Variants in KIF6 observed in about 807,000 individuals in gnomAD.
The protein encoded by KIF6 is kinesin family member 6, also known as kinesin-like protein KIF6.
A neutral mutation model predicts 112.7 loss-of-function variants in KIF6; 106 were observed. The ratio of observed to expected loss-of-function variants is 0.94; its 90% CI spans 0.80 to 1.11. The LOEUF (loss-of-function observed/expected upper bound fraction) is 1.11, where lower values mean the gene tolerates loss of function less well. KIF6 is among the 50% of genes least tolerant of loss of function. KIF6 has a pLI of 0.00. For missense variants in KIF6, 929 were observed against 964.0 expected, an observed-to-expected ratio of 0.96 and a Z score of 0.48; for synonymous variants, 339 against 339.9, an observed-to-expected ratio of 1.00 and a Z score of 0.03.
At chr6:39,437,279 G>A (rs924251893) in intron 13 of KIF6, among the ~76,000 whole-genome samples, 2 of 152,044 alleles carry the variant, frequency 1.3e-5, no homozygotes, top group African/African-American at 4.8e-5. Flanking sequence ...GAAGTCTTTA[G>A]GATTTTCTAG....
At chr6:39,696,658 A>G (rs1788558949) in intron 3 of KIF6, among the ~76,000 whole-genome samples, 2 of 151,526 alleles carry the variant, frequency 1.3e-5, no homozygotes, top group East Asian at 1.9e-4. Flanking sequence ...ATATATAAAT[A>G]TATATATTAT....
intron 13 of KIF6, among the ~76,000 whole-genome samples, chr6:39,439,490 C>T (rs371263785): frequency 3.9e-5 from 6 of 152,292 alleles, no homozygotes; most frequent in Admixed American, 1.3e-4. Context: ...CTCCAAAAGA[C>T]GACATTGCAA....
At chr6:39,497,779 T>G (rs1413424178) in intron 13 of KIF6, among the ~76,000 whole-genome samples, 3 of 152,208 alleles carry the variant, frequency 2.0e-5, no homozygotes, top group African/African-American at 7.2e-5. Flanking sequence ...TTCTGACAGA[T>G]TCCATCTCCT....
At chr6:39,353,975 A>C (rs1474306397) in intron 19 of KIF6, 1 of 469,830 alleles carries the variant, frequency 2.1e-6, no homozygotes, top group Non-Finnish European at 4.0e-6. Context: ...GCACACTGAC[A>C]TTGCATGGCC....
chr6:39,445,614 G>A (rs993687195), intron 13 of KIF6, among the ~76,000 whole-genome samples: 8 of 152,216 alleles, frequency 5.3e-5, no homozygotes, highest in Non-Finnish European at 1.5e-5. Context: ...GATAGACAAG[G>A]CATCAAAGGT....
intron 22 of KIF6, among the ~76,000 whole-genome samples, chr6:39,339,829 C>G (rs764274122): frequency 3.4e-4 from 51 of 152,186 alleles, no homozygotes; most frequent in Non-Finnish European, 6.6e-4. Flanking sequence ...CATCCTGGCC[C>G]TTGGTGAAGC....
intron 13 of KIF6, among the ~76,000 whole-genome samples, chr6:39,471,944 CA>C (rs1774139999): frequency 6.6e-6 from 1 of 152,128 alleles, no homozygotes; most frequent in Non-Finnish European, 1.5e-5. Context: ...CAAAGTATTC[CA>C]ACTGCAGCCT....
At chr6:39,365,205 C>A (rs530560603) in intron 16 of KIF6, among the ~76,000 whole-genome samples, 25 of 152,208 alleles carry the variant, frequency 1.6e-4, no homozygotes, top group Non-Finnish European at 3.1e-4. Context: ...TTCCAGGTGC[C>A]ATTGACCCCC....
intron 10 of KIF6, chr6:39,554,525 C>T (rs1779578287): frequency 1.3e-5 from 2 of 154,564 alleles, no homozygotes. Flanking sequence ...ATGTAGGACT[C>T]AGTTGACCAC....
chr6:39,390,690 C>G lies in KIF6; in HGVS notation c.1811-5018G>C, dbSNP rs73735523. Among the ~76,000 whole-genome samples, 211 of 152,258 alleles carry G rather than the reference C, an allele frequency of 1.4e-3. 1 individual carries two copies. The highest frequency in any genetic ancestry group is 4.9e-3 in the African/African-American group (202 of 41,560). Reference sequence around the variant, plus strand: ...TACTACTAGAGTTTCTGGGCAAAATCTGGTTAATATAAACATCAGTTGTAG... The same window carrying G: ...TACTACTAGAGTTTCTGGGCAAAATGTGGTTAATATAAACATCAGTTGTAG... On this transcript the variant is annotated intron_variant, in intron 15 of 22. Transcript: ENST00000287152.
At chr6:39,608,378 G>A (rs1315209147) in intron 6 of KIF6, among the ~76,000 whole-genome samples, 1 of 152,192 alleles carries the variant, frequency 6.6e-6, no homozygotes, top group East Asian at 1.9e-4. Flanking sequence ...TTAGCCTACA[G>A]TTGGGCAAAA....
intron 13 of KIF6, among the ~76,000 whole-genome samples, chr6:39,529,602 C>T (rs947234441): frequency 6.6e-6 from 1 of 152,064 alleles, no homozygotes; most frequent in Non-Finnish European, 1.5e-5. Context: ...CTGGTTAACA[C>T]AGTGAAACCC....
intron 3 of KIF6, among the ~76,000 whole-genome samples, chr6:39,653,219 T>C (rs76447225): frequency 1.3e-5 from 2 of 152,292 alleles, no homozygotes; most frequent in East Asian, 3.9e-4. Flanking sequence ...CTGGAGTACC[T>C]TGATTTTCAT....
Position 39,696,783 on chromosome 6 carries a change from GAC to G in KIF6, c.251+17907_251+17908del, listed in dbSNP as rs761120622. The stretch of plus-strand genomic sequence containing the variant: ...GTGTGTGTGTACAGTGTAAATACTG[GAC>G]ACACACACACACACATCTCAAAGTA... On this transcript the variant is annotated intron_variant, in intron 3 of 22. Coordinates refer to ENST00000287152, the MANE Select transcript of KIF6 (RefSeq NM_145027.6). 8.0e-5 allele frequency among the ~76,000 whole-genome samples: 12 copies of G among 149,942 alleles called. No individual in the cohort carries two copies. In the East Asian group the frequency reaches 9.8e-4, roughly 12 times the overall value.
rs554712983 is a variant in KIF6, at chr6:39,343,579, C to G, written c.2428+130G>C. ...TCAGAGGCTGGGCACATGTGACTGACAGGCAGGCCAGTCCTGTGGCTTCAG... is the reference window on the plus strand; with the variant it reads ...TCAGAGGCTGGGCACATGTGACTGAGAGGCAGGCCAGTCCTGTGGCTTCAG... On this transcript the variant is annotated intron_variant, in intron 22 of 22. Transcript: ENST00000287152. This position sits in a 1 kb window ranked among gnomAD's most constrained non-coding sequence, Gnocchi z 4.1. The G allele has an allele frequency of 6.9e-6, 8 of 1,163,522 alleles. No homozygotes were observed. Among genetic ancestry groups the G allele is most frequent in the South Asian group, 6.1e-5 (4 of 65,268 alleles). 72.1% of individuals were successfully genotyped at this position (1,163,522 alleles called of 1,614,324 possible). A position where few individuals can be genotyped will look rare whatever the true frequency, so the allele number is the denominator to read the frequency against.
chr6:39,362,313 G>T, intron 17 of KIF6, 121 bp downstream of exon 17: 1 of 767,322 alleles, frequency 1.3e-6, no homozygotes. Context: ...TCCTCCTGCT[G>T]TTCTAGGATC....
chr6:39,704,817 C>G (rs1417580012), intron 3 of KIF6, among the ~76,000 whole-genome samples: 1 of 152,164 alleles, frequency 6.6e-6, no homozygotes, highest in African/African-American at 2.4e-5. Flanking sequence ...ATCTGTTAAG[C>G]ACCTAACTTA....
At chr6:39,653,969 T>C (rs1032224043) in intron 3 of KIF6, among the ~76,000 whole-genome samples, 1 of 152,180 alleles carries the variant, frequency 6.6e-6, no homozygotes, top group Non-Finnish European at 1.5e-5. Context: ...TCCTTTTAAA[T>C]AGTAGAAATT....
intron 3 of KIF6, among the ~76,000 whole-genome samples, chr6:39,713,435 T>C (rs1789668462): frequency 6.6e-6 from 1 of 152,118 alleles, no homozygotes; most frequent in African/African-American, 2.4e-5. Flanking sequence ...AAGTAGTGAA[T>C]ATAGTAGGCC....
Sources: gnomAD v4.1 joint callset for allele counts (sites outside exome capture counted in the v4.1 genomes callset) on GRCh38, gnomAD v4.1.1 for gene constraint, Gnocchi (gnomAD v3.1) non-coding constraint, MANE v1.5 for transcripts, NCBI Gene and HGNC (gene_info 2026-07-23, HGNC 2026-07-21) for gene names.